Variants in SOX6 observed in about 807,000 individuals in gnomAD.
The protein encoded by SOX6 is SRY-box transcription factor 6.
A neutral mutation model predicts 97.8 loss-of-function variants in SOX6; 11 were observed. The ratio of observed to expected loss-of-function variants is 0.11; its 90% CI spans 0.07 to 0.19. The LOEUF is 0.19. Ranked by LOEUF, SOX6 falls within the 10% of genes least tolerant of loss-of-function variation. The probability of loss-of-function intolerance (pLI) is 1.00; values close to 1 mark genes in which losing one functional copy is unlikely to be tolerated. For synonymous variants in SOX6, 360 were observed against 371.4 expected, an observed-to-expected ratio of 0.97 and a Z score of 0.35; for missense variants, 810 against 1,039.5, an observed-to-expected ratio of 0.78 and a Z score of 3.04.
At chr11:16,360,420 A>G (rs1857181623), upstream of SOX6, among the ~76,000 whole-genome samples, 1 of 152,202 alleles carries the variant, frequency 6.6e-6, no homozygotes, top group Admixed American at 6.5e-5. Context: ...TCACCATTGC[A>G]TTCCTATCAC....
At chr11:16,091,738 T>A (rs1848693636) in intron 9 of SOX6, among the ~76,000 whole-genome samples, 1 of 152,012 alleles carries the variant, frequency 6.6e-6, no homozygotes, top group Non-Finnish European at 1.5e-5. Flanking sequence ...AGACTCTAAC[T>A]ATATTCCTTT....
intron 11 of SOX6, among the ~76,000 whole-genome samples, chr11:16,047,952 A>T (rs1164307280): frequency 6.6e-6 from 1 of 152,028 alleles, no homozygotes; most frequent in Admixed American, 6.6e-5. Context: ...TCTCTATCCA[A>T]TATCACCTGG....
intron 4 of SOX6, among the ~76,000 whole-genome samples, chr11:16,556,736 T>C (rs1847752872): frequency 6.6e-6 from 1 of 151,814 alleles, no homozygotes; most frequent in Non-Finnish European, 1.5e-5. Flanking sequence ...TAAACATTAT[T>C]GTTCTTGCAC....
intron 6 of SOX6, among the ~76,000 whole-genome samples, chr11:16,143,521 T>C (rs1850205895): frequency 2.6e-5 from 4 of 152,158 alleles, no homozygotes; most frequent in Admixed American, 6.5e-5. Flanking sequence ...TAAATGTAAA[T>C]GGGCTAAAAG....
chr11:15,996,864 A>G (rs1854241752), intron 13 of SOX6, among the ~76,000 whole-genome samples: 1 of 152,206 alleles, frequency 6.6e-6, no homozygotes, highest in African/African-American at 2.4e-5. Flanking sequence ...ATTAAAAGTT[A>G]GTGATTTCTC....
chr11:16,129,490 C>A (rs1849687676), intron 6 of SOX6, among the ~76,000 whole-genome samples: 1 of 151,990 alleles, frequency 6.6e-6, no homozygotes, highest in Non-Finnish European at 1.5e-5. Flanking sequence ...TAGCTTTTAA[C>A]AAAATATAAA....
intron 9 of SOX6, among the ~76,000 whole-genome samples, chr11:16,079,498 G>T (rs1848427796): frequency 1.3e-5 from 2 of 151,854 alleles, no homozygotes; most frequent in Non-Finnish European, 2.9e-5. Context: ...TTGAAAGATT[G>T]CAAACAAAAA....
chr11:16,134,451 A>G (rs796606821), intron 6 of SOX6, among the ~76,000 whole-genome samples: 2 of 152,172 alleles, frequency 1.3e-5, no homozygotes, highest in South Asian at 2.1e-4. Flanking sequence ...GGTATACCTC[A>G]TGTTATTGTT....
chr11:16,404,350 T>C (rs1224009765), intron 1 of SOX6, among the ~76,000 whole-genome samples: 14 of 151,912 alleles, frequency 9.2e-5, no homozygotes, highest in Admixed American at 9.2e-4. Flanking sequence ...ATGGCCGGTA[T>C]ATTAAGAAAG....
At chr11:16,458,424 T>TG (rs1652861779) in intron 1 of SOX6, among the ~76,000 whole-genome samples, 1 of 151,096 alleles carries the variant, frequency 6.6e-6, no homozygotes, top group African/African-American at 2.4e-5. Flanking sequence ...AAAATTTATT[T>TG]TAAAGTATGC....
At chr11:16,418,263 T>A (rs1268411603) in intron 1 of SOX6, among the ~76,000 whole-genome samples, 3 of 152,216 alleles carry the variant, frequency 2.0e-5, no homozygotes, top group African/African-American at 7.2e-5. Context: ...AAATAACTAA[T>A]TTTTTAAAAG....
intron 6 of SOX6, among the ~76,000 whole-genome samples, chr11:16,119,173 C>G (rs551807965): frequency 6.6e-6 from 1 of 152,160 alleles, no homozygotes; most frequent in South Asian, 2.1e-4. Context: ...GAAATGAAGT[C>G]CCCAGAAAAC....
chr11:16,402,789 G>A (rs777681270), intron 1 of SOX6: 1 of 1,594,414 alleles, frequency 6.3e-7, no homozygotes, highest in African/African-American at 1.3e-5. Context: ...ATTGTTACAT[G>A]AGACAACAAC....
intron 4 of SOX6, among the ~76,000 whole-genome samples, chr11:16,193,995 G>A (rs1455115): frequency 0.55 from 82,976 of 151,604 alleles, 23,078 homozygotes; most frequent in East Asian, 0.75. Context: ...TGGCCGTTTT[G>A]GATACAGCCT....
At chr11:16,543,942 C>T (rs1047988986) in intron 4 of SOX6, among the ~76,000 whole-genome samples, 1 of 152,134 alleles carries the variant, frequency 6.6e-6, no homozygotes, top group African/African-American at 2.4e-5. Flanking sequence ...TTCATGGAAG[C>T]ACTATTCACA....
rs202111500 is a variant in SOX6, at chr11:16,681,083, TG to T, written n.429+33746del. Among the ~76,000 whole-genome samples the T allele has an allele frequency of 8.0e-3, 1,221 of 152,318 alleles. 20 individuals carry two copies. Among genetic ancestry groups the T allele is most frequent in the African/African-American group, 0.027 (1,110 of 41,558 alleles). ...AAGGAAAACAAGGATATCCAGGACT[TG>T]AACTCAGCTCTGGACCAAGCAGACC... On this transcript the variant is annotated intron_variant and non_coding_transcript_variant, in intron 3 of 5. Transcript: ENST00000524520.
intron 3 of SOX6, among the ~76,000 whole-genome samples, chr11:16,698,973 G>A (rs1848073234): frequency 6.6e-6 from 1 of 152,220 alleles, no homozygotes; most frequent in Admixed American, 6.5e-5. Flanking sequence ...GTGACACACA[G>A]ATATGAAGTG....
intron 6 of SOX6, among the ~76,000 whole-genome samples, chr11:16,165,473 T>G (rs779571096): frequency 6.6e-6 from 1 of 152,180 alleles, no homozygotes; most frequent in Non-Finnish European, 1.5e-5. Flanking sequence ...TTAAAATGCT[T>G]AAAAAGATAC....
At chr11:16,373,915 G>GA (rs1271344092) in intron 1 of SOX6, among the ~76,000 whole-genome samples, 66 of 146,162 alleles carry the variant, frequency 4.5e-4, no homozygotes, top group African/African-American at 1.7e-3. Context: ...GAGGGAGAAG[G>GA]GGAAGGGAGG....
Sources: gnomAD v4.1 joint callset for allele counts (sites outside exome capture counted in the v4.1 genomes callset) on GRCh38, gnomAD v4.1.1 for gene constraint, MANE v1.5 for transcripts, NCBI Gene and HGNC (gene_info 2026-07-23, HGNC 2026-07-21) for gene names.